The following ANK3 variants were observed in gnomAD, a reference collection of about 807,000 sequenced individuals.
ANK3 encodes ankyrin 3, also known as ankyrin-3.
A neutral mutation model predicts 370.9 loss-of-function variants in ANK3; 57 were observed. The ratio of observed to expected loss-of-function variants is 0.15; its 90% confidence interval spans 0.12 to 0.19. The LOEUF (loss-of-function observed/expected upper bound fraction) is 0.19. Ranked by LOEUF, ANK3 falls within the 10% of genes least tolerant of loss-of-function variation. ANK3 has a pLI of 1.00. For missense variants in ANK3, 4,439 were observed against 5,302.1 expected (o/e 0.84, Z 5.06); for synonymous variants, 1,929 against 1,946.3 (o/e 0.99, Z 0.23).
intron 25 of ANK3, among the ~76,000 whole-genome samples, chr10:60,126,097 A>G (rs2093741023): frequency 6.6e-6 from 1 of 152,192 alleles, no homozygotes; most frequent in African/African-American, 2.4e-5. Context: ...CAGCATTCAA[A>G]CAGCCAGTGC....
intron 25 of ANK3, among the ~76,000 whole-genome samples, chr10:60,121,483 G>A (rs1490936260): frequency 6.6e-6 from 1 of 151,954 alleles, no homozygotes; most frequent in Non-Finnish European, 1.5e-5. Flanking sequence ...CTTGAGCTCA[G>A]GAGTTTAAGA....
chr10:60,655,955 G>A (rs1395914318), intron 1 of ANK3, among the ~76,000 whole-genome samples: 1 of 152,158 alleles, frequency 6.6e-6, no homozygotes, highest in Non-Finnish European at 1.5e-5. Context: ...TAACTTAGGA[G>A]CAACAGGCTA....
chr10:60,416,134 A>T (rs1415368317), intron 2 of ANK3, among the ~76,000 whole-genome samples: 1 of 152,070 alleles, frequency 6.6e-6, no homozygotes, highest in Non-Finnish European at 1.5e-5. Context: ...TGAACCAGAA[A>T]ATGGGCCTCA....
At chr10:60,698,947 C>T (rs2079508728) in intron 1 of ANK3, among the ~76,000 whole-genome samples, 1 of 150,676 alleles carries the variant, frequency 6.6e-6, no homozygotes, top group Non-Finnish European at 1.5e-5. Context: ...ATAAATAAAA[C>T]AGACTTTGGA....
At chr10:60,032,203 T>TTTTTTTTTTTTTTTTTTTTC (rs2073807623) in intron 43 of ANK3, among the ~76,000 whole-genome samples, 1 of 117,410 alleles carries the variant, frequency 8.5e-6, no homozygotes, top group Non-Finnish European at 1.9e-5. Context: ...TCTTTTTTTT[T>TTTTTTTTTTTTTTTTTTTTC]TTTTTTTTTT....
intron 21 of ANK3, among the ~76,000 whole-genome samples, chr10:60,167,109 T>C (rs1033349485): frequency 1.3e-5 from 2 of 152,196 alleles, no homozygotes; most frequent in African/African-American, 4.8e-5. Flanking sequence ...GAAAGAATTC[T>C]AGTGGCAAAG....
At chr10:60,255,334 G>C (rs757549123) in intron 7 of ANK3, among the ~76,000 whole-genome samples, 1 of 152,116 alleles carries the variant, frequency 6.6e-6, no homozygotes. Flanking sequence ...TAGAAAAAAG[G>C]CTATCAGGCA....
Position 60,342,065 on chromosome 10 carries a change from A to C in ANK3, c.114+47360T>G, listed in dbSNP as rs965109857. On this transcript the variant is annotated intron_variant, in intron 1 of 43. Transcript: ENST00000280772. ...AAAGTTTCATTTGGTAAAAATTAAT[A>C]AATATTTTTATTAAGCATCTACTCT... Among the ~76,000 whole-genome samples, 3 of 152,134 alleles carry C rather than the reference A, an allele frequency of 2.0e-5. No homozygotes were observed. In the East Asian group the frequency reaches 5.8e-4, roughly 29 times the overall value.
rs1489747733 is a variant in ANK3, at chr10:60,240,193, TAC to T, written c.799-5409_799-5408del. On this transcript the variant is annotated intron_variant, in intron 7 of 43. Coordinates refer to ENST00000280772, the MANE Select transcript of ANK3 (RefSeq NM_020987.5). ...ATATATACATATATACACATATATA[TAC>T]ACACACACATATATATACACATATA... Among the ~76,000 whole-genome samples the T allele has an allele frequency of 1.3e-3, 172 of 130,682 alleles. 2 individuals are homozygous for T. Among genetic ancestry groups the T allele is most frequent in the African/African-American group, 3.4e-3 (108 of 32,234 alleles). The allele number at this position is 130,682 out of a possible 152,430, so 85.7% of individuals were successfully genotyped here. A position where few individuals can be genotyped will look rare whatever the true frequency, so the allele number is the denominator to read the frequency against.
At chr10:60,513,656 T>C (rs2076144918) in intron 2 of ANK3, among the ~76,000 whole-genome samples, 1 of 152,126 alleles carries the variant, frequency 6.6e-6, no homozygotes, top group African/African-American at 2.4e-5. Context: ...AAATATACTG[T>C]ACTGTTTGCC....
chr10:60,252,156 T>C (rs1211433250), intron 7 of ANK3, among the ~76,000 whole-genome samples: 1 of 152,240 alleles, frequency 6.6e-6, no homozygotes, highest in Non-Finnish European at 1.5e-5. Flanking sequence ...TTCAGTTCTA[T>C]GAACCCTAAC....
At chr10:60,155,258 G>A (rs563802378) in intron 23 of ANK3, among the ~76,000 whole-genome samples, 1 of 152,296 alleles carries the variant, frequency 6.6e-6, no homozygotes, top group African/African-American at 2.4e-5. Flanking sequence ...GAATCTGTGG[G>A]CCTGGGAAAG....
At chr10:60,301,123 G>GATATATATATATATATAT (rs34302629) in intron 1 of ANK3, among the ~76,000 whole-genome samples, 8 of 135,220 alleles carry the variant, frequency 5.9e-5, no homozygotes, top group African/African-American at 2.2e-4. Flanking sequence ...GAATACTTCC[G>GATATATATATATATATAT]ATATATATAT....
intron 1 of ANK3, chr10:60,684,796 T>TTTC: frequency 6.5e-7 from 1 of 1,547,484 alleles, no homozygotes; most frequent in Non-Finnish European, 8.9e-7. Context: ...TGGCATTTTA[T>TTTC]TTCTTATGGA....
intron 43 of ANK3, among the ~76,000 whole-genome samples, chr10:60,032,229 TCTCA>T (rs1428992328): frequency 1.5e-5 from 2 of 134,044 alleles, no homozygotes; most frequent in Non-Finnish European, 3.1e-5. Context: ...TGAGACGAAG[TCTCA>T]CTCTGTCGCC....
chr10:60,573,594 T>C (rs562680848), intron 2 of ANK3, among the ~76,000 whole-genome samples: 1 of 152,348 alleles, frequency 6.6e-6, no homozygotes, highest in South Asian at 2.1e-4. Flanking sequence ...TTTCTGAGTG[T>C]CTGGGGTATT....
intron 25 of ANK3, among the ~76,000 whole-genome samples, chr10:60,126,946 G>T (rs1023671189): frequency 6.6e-6 from 1 of 152,114 alleles, no homozygotes; most frequent in Non-Finnish European, 1.5e-5. Context: ...AAACTGAACT[G>T]GTTTAAGATA....
chr10:60,581,135 G>T (rs1437435464), intron 2 of ANK3, among the ~76,000 whole-genome samples: 2 of 152,176 alleles, frequency 1.3e-5, no homozygotes, highest in African/African-American at 4.8e-5. Flanking sequence ...TCAACAAATT[G>T]ACAAGCAACA....
intron 8 of ANK3, among the ~76,000 whole-genome samples, chr10:60,226,394 A>ATAGTATATTATACT: frequency 8.6e-6 from 1 of 116,840 alleles, no homozygotes; most frequent in African/African-American, 3.4e-5. Context: ...ATTATAGTAT[A>ATAGTATATTATACT]ATATAGTATA....
Sources: allele counts gnomAD v4.1 joint callset (sites outside exome capture counted in the v4.1 genomes callset), GRCh38; gene constraint gnomAD v4.1.1; transcripts MANE v1.5; gene names NCBI Gene and HGNC (gene_info 2026-07-23, HGNC 2026-07-21).